Variants in ARHGAP15 observed in about 807,000 individuals in gnomAD.
ARHGAP15 encodes the protein rho GTPase-activating protein 15.
In ARHGAP15, 51 loss-of-function variants were observed where a neutral mutation model predicts 63.7. That is an observed-to-expected ratio of 0.80 (90% CI 0.64 to 1.01). The LOEUF is 1.01. ARHGAP15 is among the 50% of genes least tolerant of loss of function. The pLI is 0.00. For synonymous variants in ARHGAP15, 191 were observed against 193.8 expected, an observed-to-expected ratio of 0.99 and a Z score of 0.12; for missense variants, 560 against 564.6, an observed-to-expected ratio of 0.99 and a Z score of 0.08.
intron 12 of ARHGAP15, among the ~76,000 whole-genome samples, chr2:143,694,503 C>T (rs1327057126): frequency 6.6e-6 from 1 of 152,126 alleles, no homozygotes; most frequent in Non-Finnish European, 1.5e-5. Context: ...CATGCTGTGA[C>T]TCTATGTGGT....
chr2:143,354,084 G>A (rs1011629272), intron 6 of ARHGAP15, among the ~76,000 whole-genome samples: 5 of 151,618 alleles, frequency 3.3e-5, no homozygotes, highest in Non-Finnish European at 2.9e-5. Flanking sequence ...CTGATAAATG[G>A]ATTCCGAACA....
chr2:143,286,587 GCTTC>G (rs1378907664), intron 6 of ARHGAP15, among the ~76,000 whole-genome samples: 1 of 152,124 alleles, frequency 6.6e-6, no homozygotes, highest in East Asian at 1.9e-4. Flanking sequence ...TAAATGCACT[GCTTC>G]CTTTTATTTT....
chr2:143,523,314 C>T (rs1694135849), intron 10 of ARHGAP15, among the ~76,000 whole-genome samples: 1 of 152,012 alleles, frequency 6.6e-6, no homozygotes, highest in Admixed American at 6.6e-5. Context: ...ACAGAAGAAC[C>T]ATAACAATAA....
intron 11 of ARHGAP15, chr2:143,607,587 T>A (rs1358282093): frequency 1.3e-5 from 2 of 150,306 alleles, no homozygotes; most frequent in African/African-American, 4.9e-5. Context: ...GAGAGAGAGA[T>A]CTTTCATTTG....
chr2:143,204,400 G>A (rs1188166334), intron 3 of ARHGAP15, among the ~76,000 whole-genome samples: 1 of 152,040 alleles, frequency 6.6e-6, no homozygotes, highest in Non-Finnish European at 1.5e-5. Context: ...TTCTGGTCAG[G>A]ATCTGGTGAG....
At chr2:143,423,690 G>A (rs1480150856) in intron 6 of ARHGAP15, among the ~76,000 whole-genome samples, 2 of 152,116 alleles carry the variant, frequency 1.3e-5, no homozygotes, top group African/African-American at 4.8e-5. Flanking sequence ...CAAAGTCCAG[G>A]AGACAATCAA....
At chr2:143,457,720 CTGTG>C (rs1031600450) in intron 8 of ARHGAP15, among the ~76,000 whole-genome samples, 4 of 151,368 alleles carry the variant, frequency 2.6e-5, no homozygotes, top group Non-Finnish European at 2.9e-5. Context: ...AAAATGTGAT[CTGTG>C]TAAGATATAA....
At chr2:143,307,262 T>A (rs1683215557) in intron 6 of ARHGAP15, among the ~76,000 whole-genome samples, 1 of 152,118 alleles carries the variant, frequency 6.6e-6, no homozygotes, top group African/African-American at 2.4e-5. Context: ...GGACCATGGT[T>A]ACATCTTCAA....
intron 12 of ARHGAP15, among the ~76,000 whole-genome samples, chr2:143,698,180 T>A (rs1683932816): frequency 6.6e-6 from 1 of 152,134 alleles, no homozygotes; most frequent in Non-Finnish European, 1.5e-5. Flanking sequence ...TATTTTTAAA[T>A]GTGATTTAAC....
intron 11 of ARHGAP15, among the ~76,000 whole-genome samples, chr2:143,587,431 T>A (rs1041264866): frequency 1.3e-5 from 2 of 152,158 alleles, no homozygotes; most frequent in African/African-American, 4.8e-5. Flanking sequence ...TGGGAATGTT[T>A]TGAAAGAAAT....
Position 143,349,177 on chromosome 2 carries a change from G to C in ARHGAP15, c.475-86424G>C, listed in dbSNP as rs569182040. 2.0e-5 allele frequency among the ~76,000 whole-genome samples: 3 copies of C among 152,260 alleles called. No homozygotes were observed. In the South Asian group the frequency reaches 6.2e-4, roughly 32 times the overall value. On this transcript the variant is annotated intron_variant, in intron 6 of 13. Coordinates refer to ENST00000295095, the MANE Select transcript of ARHGAP15 (RefSeq NM_018460.4). ...GATTGCATTTTTATTTGTTCATCTA[G>C]TCAACACTTAGGAAAGCTAGCCAAT...
intron 6 of ARHGAP15, among the ~76,000 whole-genome samples, chr2:143,370,380 G>A (rs532709154): frequency 6.6e-6 from 1 of 152,210 alleles, no homozygotes; most frequent in East Asian, 1.9e-4. Flanking sequence ...GATAGCACTG[G>A]GAGATATACC....
chr2:143,310,456 A>C (rs574824941), intron 6 of ARHGAP15, among the ~76,000 whole-genome samples: 4 of 152,144 alleles, frequency 2.6e-5, no homozygotes, highest in Middle Eastern at 3.4e-3. Context: ...AGTGCATCTC[A>C]TTACTAACAT....
In ARHGAP15 at chr2:143,438,249, GTACATATA is replaced by G. The variant is rs200982456; in HGVS notation, c.703+1222_703+1229del. Reference sequence around the variant, plus strand: ...GAAGAGCTGCTAATGGAATATATGTGTACATATATACATATATACATACACATACACAC... The same window carrying G: ...GAAGAGCTGCTAATGGAATATATGTGTACATATATACATACACATACACAC... On this transcript the variant is annotated intron_variant, in intron 8 of 13. Transcript: ENST00000295095. Among the ~76,000 whole-genome samples, 964 of 151,958 alleles carry G rather than the reference GTACATATA, an allele frequency of 6.3e-3. 5 individuals are homozygous for G. The highest frequency in any genetic ancestry group is 0.011 in the Admixed American group (175 of 15,254).
intron 11 of ARHGAP15, among the ~76,000 whole-genome samples, chr2:143,581,357 T>G (rs1696896349): frequency 6.6e-6 from 1 of 152,056 alleles, no homozygotes; most frequent in East Asian, 1.9e-4. Context: ...TGCAGTCACA[T>G]CTTGGAGTGC....
intron 2 of ARHGAP15, among the ~76,000 whole-genome samples, chr2:143,158,215 T>C (rs1558782816): frequency 6.6e-6 from 1 of 151,896 alleles, no homozygotes; most frequent in Non-Finnish European, 1.5e-5. Flanking sequence ...AATTCATAAA[T>C]TCCTCTCGTA....
intron 12 of ARHGAP15, among the ~76,000 whole-genome samples, chr2:143,670,732 C>A (rs1682479858): frequency 6.6e-6 from 1 of 152,124 alleles, no homozygotes; most frequent in Non-Finnish European, 1.5e-5. Flanking sequence ...CCACTGCAGG[C>A]AACAGAACAT....
intron 8 of ARHGAP15, among the ~76,000 whole-genome samples, chr2:143,474,384 A>T (rs1009044694): frequency 1.3e-5 from 2 of 152,212 alleles, no homozygotes; most frequent in African/African-American, 4.8e-5. Context: ...TCCATATTAT[A>T]TTCAAAACTG....
intron 6 of ARHGAP15, among the ~76,000 whole-genome samples, chr2:143,384,764 T>G (rs1347205099): frequency 6.6e-6 from 1 of 152,166 alleles, no homozygotes; most frequent in Non-Finnish European, 1.5e-5. Flanking sequence ...ATCAGAGACA[T>G]GAAGGCTCCT....
Sources: allele counts gnomAD v4.1 joint callset (sites outside exome capture counted in the v4.1 genomes callset), GRCh38; gene constraint gnomAD v4.1.1; transcripts MANE v1.5; gene names NCBI Gene and HGNC (gene_info 2026-07-23, HGNC 2026-07-21).